PLXDC1: variants seen among roughly 807,000 people sequenced by gnomAD.
The protein encoded by PLXDC1 is plexin domain containing 1.
In PLXDC1, 39 loss-of-function variants were observed where a neutral mutation model predicts 61.3. That is an observed-to-expected ratio of 0.64 (90% CI 0.49 to 0.83). The LOEUF (loss-of-function observed/expected upper bound fraction) is 0.83. Ranked by LOEUF, PLXDC1 falls within the 40% of genes least tolerant of loss-of-function variation. PLXDC1 has a pLI of 0.00. For missense variants in PLXDC1, 596 were observed against 666.5 expected (o/e 0.89, Z 1.17); for synonymous variants, 212 against 254.5 (o/e 0.83, Z 1.59).
chr17:39,146,948 ATTTTTTTTTT>A (rs869300584), intron 1 of PLXDC1, among the ~76,000 whole-genome samples: 3 of 74,686 alleles, frequency 4.0e-5, no homozygotes, highest in African/African-American at 1.6e-4. Context: ...ACAGGAAATG[ATTTTTTTTTT>A]TTTTTTTTTT....
intron 2 of PLXDC1, among the ~76,000 whole-genome samples, chr17:39,113,686 CA>C (rs1466282111): frequency 6.6e-6 from 1 of 151,884 alleles, no homozygotes; most frequent in Non-Finnish European, 1.5e-5. Flanking sequence ...ACAAAAAATA[CA>C]ATAAAATAAA....
intron 2 of PLXDC1, among the ~76,000 whole-genome samples, chr17:39,130,917 A>G (rs1022164430): frequency 6.6e-6 from 1 of 152,134 alleles, no homozygotes; most frequent in East Asian, 1.9e-4. Flanking sequence ...AGAAAAAAAG[A>G]AACTAACCAA....
At chr17:39,078,140 C>A in intron 10 of PLXDC1, 92 bp from the exon 11 acceptor site, 1 of 1,260,658 alleles carries the variant, frequency 7.9e-7, no homozygotes, top group Middle Eastern at 2.0e-4. Flanking sequence ...ATTTATCTGT[C>A]AGCTGCTTCA....
At chr17:39,097,579 G>C (rs896048147) in intron 7 of PLXDC1, among the ~76,000 whole-genome samples, 1 of 152,064 alleles carries the variant, frequency 6.6e-6, no homozygotes, top group Non-Finnish European at 1.5e-5. Context: ...TGTTCCACTT[G>C]CATTTCAATA....
chr17:39,135,402 C>A (rs1322288972), intron 2 of PLXDC1, among the ~76,000 whole-genome samples: 2 of 152,192 alleles, frequency 1.3e-5, no homozygotes, highest in Admixed American at 6.5e-5. Context: ...CCTGGCCAGG[C>A]ATGGTGGCTC....
At chr17:39,104,918 C>T (rs1487941239) in intron 7 of PLXDC1, among the ~76,000 whole-genome samples, 1 of 152,162 alleles carries the variant, frequency 6.6e-6, no homozygotes, top group Non-Finnish European at 1.5e-5. Context: ...CTGATGGAAC[C>T]GAACAGAAAT....
intron 2 of PLXDC1, among the ~76,000 whole-genome samples, chr17:39,128,054 T>A (rs1911366578): frequency 1.1e-5 from 1 of 90,214 alleles, no homozygotes; most frequent in African/African-American, 4.8e-5. Context: ...GCTCTCTCTC[T>A]CTCTCTCTCT....
chr17:39,142,022 A>G lies in PLXDC1; in HGVS notation c.77-2190T>C, dbSNP rs1356908919. Among the ~76,000 whole-genome samples, 3 of 152,276 alleles carry G rather than the reference A, an allele frequency of 2.0e-5. No individual in the cohort carries two copies. In the East Asian group the frequency reaches 5.8e-4, roughly 29 times the overall value. On this transcript the variant is annotated intron_variant, in intron 1 of 13. Coordinates refer to ENST00000315392, the MANE Select transcript of PLXDC1 (RefSeq NM_020405.5). ...AATTGGATTGTTGGTTGGACTGGAT[A>G]ATTCATTGTTATGCGGGAACTGTCC...
chr17:39,109,165 A>C (rs1348106923), intron 3 of PLXDC1, 83 bp downstream of exon 3: 33 of 1,512,432 alleles, frequency 2.2e-5, no homozygotes, highest in Non-Finnish European at 9.8e-6. Flanking sequence ...CTCGGGCCAC[A>C]GCCATGCCCA....
intron 2 of PLXDC1, among the ~76,000 whole-genome samples, chr17:39,133,720 G>A (rs1262965635): frequency 6.6e-6 from 1 of 152,112 alleles, no homozygotes; most frequent in South Asian, 2.1e-4. Context: ...CTGGGCTCAC[G>A]CGATCCTACA....
intron 2 of PLXDC1, among the ~76,000 whole-genome samples, chr17:39,133,916 T>C (rs1911645540): frequency 6.8e-6 from 1 of 148,132 alleles, no homozygotes; most frequent in Non-Finnish European, 1.5e-5. Context: ...CGTGAGCCAC[T>C]GTGACTGGCT....
chr17:39,141,353 C>T (rs1255614092), intron 1 of PLXDC1, among the ~76,000 whole-genome samples: 2 of 152,176 alleles, frequency 1.3e-5, no homozygotes, highest in African/African-American at 4.8e-5. Context: ...ATTTTGACTA[C>T]TCTAAGTATC....
intron 1 of PLXDC1, among the ~76,000 whole-genome samples, chr17:39,147,942 A>G (rs1040401073): frequency 3.3e-5 from 5 of 152,142 alleles, no homozygotes; most frequent in Admixed American, 1.3e-4. Flanking sequence ...CAGACAGAGG[A>G]AAGGGTTGGG....
At chr17:39,104,507 G>C (rs1910528755) in intron 7 of PLXDC1, among the ~76,000 whole-genome samples, 1 of 152,146 alleles carries the variant, frequency 6.6e-6, no homozygotes, top group South Asian at 2.1e-4. Flanking sequence ...TTTGGGGTGG[G>C]GCATGGGGGC....
Position 39,105,837 on chromosome 17 carries a change from G to A in PLXDC1, c.811+17C>T. The stretch of plus-strand genomic sequence containing the variant: ...CCTACCCCCATCAAGGCCTCTGCGG[G>A]GTCCCTGAAGACTCACCTGGCACAT... On this transcript the variant is annotated intron_variant, in intron 7 of 13. Coordinates refer to ENST00000315392, the MANE Select transcript of PLXDC1 (RefSeq NM_020405.5). 1 of 1,556,852 alleles carries A rather than the reference G, an allele frequency of 6.4e-7. No individual in the cohort carries two copies. Among genetic ancestry groups the A allele is most frequent in the Non-Finnish European group, 8.9e-7 (1 of 1,129,146 alleles).
intron 11 of PLXDC1, among the ~76,000 whole-genome samples, chr17:39,075,227 G>A (rs1236401467): frequency 2.0e-5 from 3 of 152,172 alleles, no homozygotes; most frequent in African/African-American, 7.2e-5. Flanking sequence ...CCAAAGTGTT[G>A]GGATTACAGG....
chr17:39,130,860 C>T, intron 2 of PLXDC1, among the ~76,000 whole-genome samples: 1 of 152,006 alleles, frequency 6.6e-6, no homozygotes. Flanking sequence ...CCGCACCCAG[C>T]CTAAAATGGT....
chr17:39,149,150 G>A (rs2045358570), intron 1 of PLXDC1, among the ~76,000 whole-genome samples: 2 of 152,128 alleles, frequency 1.3e-5, no homozygotes, highest in Admixed American at 6.6e-5. Flanking sequence ...TGCTGCTGCT[G>A]TTCTAATGAT....
At chr17:39,128,161 A>ATGTG (rs1567769644) in intron 2 of PLXDC1, among the ~76,000 whole-genome samples, 1 of 76,934 alleles carries the variant, frequency 1.3e-5, no homozygotes, top group African/African-American at 6.3e-5. Flanking sequence ...GTGTATATAT[A>ATGTG]TGTATATATA....
Sources: gnomAD v4.1 joint callset for allele counts (sites outside exome capture counted in the v4.1 genomes callset) on GRCh38, gnomAD v4.1.1 for gene constraint, MANE v1.5 for transcripts, NCBI Gene and HGNC (gene_info 2026-07-23, HGNC 2026-07-21) for gene names.